The following MYO16 variants were observed in gnomAD, a reference collection of about 807,000 sequenced individuals.
MYO16 encodes myosin XVI.
MYO16 carries 94 observed loss-of-function variants against 205.3 expected under a neutral mutation model. That is an observed-to-expected ratio of 0.46 (90% CI 0.39 to 0.54). The LOEUF (loss-of-function observed/expected upper bound fraction) is 0.54. Ranked by LOEUF, MYO16 falls within the 20% of genes least tolerant of loss-of-function variation. The pLI, the probability that MYO16 is intolerant of heterozygous loss-of-function variation, is 0.00. For missense variants in MYO16, 2,315 were observed against 2,387.5 expected (o/e 0.97, Z 0.63); for synonymous variants, 988 against 954.0 (o/e 1.04, Z -0.66).
At chr13:109,161,656 C>T (rs1878392797) in intron 32 of MYO16, among the ~76,000 whole-genome samples, 1 of 152,136 alleles carries the variant, frequency 6.6e-6, no homozygotes, top group East Asian at 1.9e-4. Flanking sequence ...GGCCTTTTCC[C>T]TTATTCCCAT....
chr13:108,553,926 A>C, the MYO16 span, among the ~76,000 whole-genome samples: 1 of 152,140 alleles, frequency 6.6e-6, no homozygotes, highest in Non-Finnish European at 1.5e-5. Flanking sequence ...TGTTGGAAGC[A>C]TGTGCCTGTT....
intron 16 of MYO16, among the ~76,000 whole-genome samples, chr13:108,937,243 G>A (rs983729883): frequency 2.0e-5 from 3 of 151,958 alleles, no homozygotes; most frequent in Middle Eastern, 6.8e-3. Context: ...TTCCCCCTTT[G>A]TATATGATCT....
intron 1 of MYO16, among the ~76,000 whole-genome samples, chr13:108,656,634 A>C (rs1340172662): frequency 1.3e-5 from 2 of 152,184 alleles, no homozygotes; most frequent in African/African-American, 4.8e-5. Context: ...ATACATTCTT[A>C]CTCATAAATG....
chr13:108,689,208 T>G (rs1260879246), intron 2 of MYO16, among the ~76,000 whole-genome samples: 1 of 152,190 alleles, frequency 6.6e-6, no homozygotes, highest in East Asian at 1.9e-4. Context: ...TTCAAATGCA[T>G]TTCAAATCTG....
intron 1 of MYO16, among the ~76,000 whole-genome samples, chr13:108,609,111 G>T (rs1879074568): frequency 6.6e-6 from 1 of 152,088 alleles, no homozygotes; most frequent in African/African-American, 2.4e-5. Context: ...CCTCTCACTG[G>T]CCGACAACTC....
chr13:108,621,288 A>G (rs899776501), intron 1 of MYO16, among the ~76,000 whole-genome samples: 1 of 152,122 alleles, frequency 6.6e-6, no homozygotes, highest in Admixed American at 6.6e-5. Flanking sequence ...TGAGTGCTCA[A>G]CAAAGACTTC....
chr13:108,496,210 C>A, the MYO16 span, among the ~76,000 whole-genome samples: 1 of 152,210 alleles, frequency 6.6e-6, no homozygotes, highest in Non-Finnish European at 1.5e-5. Context: ...TAAGCCGAGG[C>A]TGGGAGTAGA....
At chr13:108,702,393 A>G (rs1020860844) in intron 2 of MYO16, among the ~76,000 whole-genome samples, 1 of 152,218 alleles carries the variant, frequency 6.6e-6, no homozygotes, top group Admixed American at 6.5e-5. Flanking sequence ...GCAGAAAATG[A>G]CAAATTCAAA....
At chr13:108,855,819 A>G (rs936305487) in intron 11 of MYO16, among the ~76,000 whole-genome samples, 5 of 152,196 alleles carry the variant, frequency 3.3e-5, no homozygotes, top group Admixed American at 2.6e-4. Context: ...TCCTGTTGTC[A>G]TGATTGCTGT....
chr13:108,873,763 A>G (rs1352147378), intron 12 of MYO16, among the ~76,000 whole-genome samples: 1 of 150,558 alleles, frequency 6.6e-6, no homozygotes, highest in African/African-American at 2.4e-5. Context: ...CCAACCAACC[A>G]GGACAGGGTC....
chr13:108,985,503 A>G (rs938386939), intron 20 of MYO16, among the ~76,000 whole-genome samples: 1 of 152,248 alleles, frequency 6.6e-6, no homozygotes, highest in African/African-American at 2.4e-5. Context: ...ACGTGTCAGC[A>G]GACGTGGGAG....
intron 11 of MYO16, among the ~76,000 whole-genome samples, chr13:108,865,612 G>C (rs185716058): frequency 1.3e-3 from 199 of 151,738 alleles, no homozygotes; most frequent in Non-Finnish European, 2.5e-3. Context: ...ATTTTAATTG[G>C]AGTATTTGGT....
At chr13:108,640,410 A>G (rs555527680) in intron 1 of MYO16, among the ~76,000 whole-genome samples, 1 of 152,272 alleles carries the variant, frequency 6.6e-6, no homozygotes, top group East Asian at 1.9e-4. Flanking sequence ...TGCAATTGGA[A>G]GGGAATGAAG....
chr13:109,002,062 G>A (rs1885233181), intron 21 of MYO16, among the ~76,000 whole-genome samples: 1 of 152,114 alleles, frequency 6.6e-6, no homozygotes, highest in Non-Finnish European at 1.5e-5. Context: ...GTTCAACCAT[G>A]TCTACCCATT....
chr13:108,803,404 C>A (rs1195318371), intron 6 of MYO16, among the ~76,000 whole-genome samples: 1 of 152,072 alleles, frequency 6.6e-6, no homozygotes, highest in Non-Finnish European at 1.5e-5. Context: ...AATTGGTAGT[C>A]CACAGTATGT....
At chr13:108,693,648 GT>G (rs545573519) in intron 2 of MYO16, among the ~76,000 whole-genome samples, 2 of 152,246 alleles carry the variant, frequency 1.3e-5, no homozygotes, top group East Asian at 3.9e-4. Context: ...AATTTGGTTT[GT>G]TTCCACTTTG....
intron 16 of MYO16, among the ~76,000 whole-genome samples, chr13:108,952,896 T>C (rs1253790978): frequency 6.6e-6 from 1 of 152,110 alleles, no homozygotes; most frequent in Non-Finnish European, 1.5e-5. Context: ...ACGCTAGAGG[T>C]TATGTGACCA....
intron 6 of MYO16, among the ~76,000 whole-genome samples, chr13:108,805,133 G>A (rs1255553569): frequency 1.3e-5 from 2 of 152,146 alleles, no homozygotes; most frequent in Non-Finnish European, 2.9e-5. Context: ...AATCAATTTA[G>A]AAGCAGATGA....
chr13:108,953,406 T>C lies in MYO16; in HGVS notation c.1926-4282T>C, dbSNP rs1182244348. Reference sequence around the variant, plus strand: ...GTCATTCTGGGAAATACTCACATTCTGTACATGCATTGCAACCTGAGTGTA... The same window carrying C: ...GTCATTCTGGGAAATACTCACATTCCGTACATGCATTGCAACCTGAGTGTA... On this transcript the variant is annotated intron_variant, in intron 16 of 34. Coordinates refer to ENST00000457511, the MANE Select transcript of MYO16 (RefSeq NM_001198950.3). 3.3e-5 allele frequency among the ~76,000 whole-genome samples: 5 copies of C among 152,248 alleles called. No homozygotes were observed. The East Asian group carries it at 7.7e-4, about 23-fold the overall frequency.
Sources: allele counts gnomAD v4.1 joint callset (sites outside exome capture counted in the v4.1 genomes callset), GRCh38; gene constraint gnomAD v4.1.1; transcripts MANE v1.5; gene names NCBI Gene and HGNC (gene_info 2026-07-23, HGNC 2026-07-21).